The following MARF1 variants were observed in gnomAD, a reference collection of about 807,000 sequenced individuals.
The protein encoded by MARF1 is meiosis regulator and mRNA stability factor 1, also known as limkain-b1.
In MARF1, 24 loss-of-function variants were observed where a neutral mutation model predicts 168.2. The ratio of observed to expected loss-of-function variants is 0.14; its 90% CI spans 0.10 to 0.20. MARF1 has a LOEUF of 0.20. MARF1 is among the 10% of genes least tolerant of loss of function. The probability of loss-of-function intolerance (pLI) is 1.00; values close to 1 mark genes in which losing one functional copy is unlikely to be tolerated. For missense variants in MARF1, 1,744 were observed against 2,143.6 expected (o/e 0.81, Z 3.68); for synonymous variants, 868 against 822.4 (o/e 1.06, Z -0.95).
Position 15,630,428 on chromosome 16 carries a change from G to C in MARF1, c.1428C>G (p.Asn476Lys). 11 of 1,614,028 alleles carry C rather than the reference G, an allele frequency of 6.8e-6. No homozygotes were observed. The highest frequency in any genetic ancestry group is 9.3e-6 in the Non-Finnish European group (11 of 1,179,952). Residue 476 changes from asparagine (N) to lysine (K), a missense_variant, in exon 7 of 27, where the codon AAC becomes AAG. This residue lies in a region of MARF1 where 217 missense variants were observed against 372.4 expected (regional missense o/e 0.58). Coordinates refer to ENST00000396368, the MANE Select transcript of MARF1 (RefSeq NM_014647.4). ...HGFHIILVHK[N>K]QASEALLHHA... ...GATGCAGCAGTGCTTCTGAGGCCTG[G>C]TTTTTATGGACCAAAATAATGTGGA... is the stretch of plus-strand genomic sequence containing the variant.
rs1008476195 is a variant in MARF1, at chr16:15,608,164, G to C, written c.4182+127C>G. ...GACACAAAACGAGTCATAATGCTGT[G>C]ACAGTTAAGTAGTTCAAGGTGTAAA... is the stretch of plus-strand genomic sequence containing the variant. On this transcript the variant is annotated intron_variant, in intron 21 of 26. Coordinates refer to ENST00000396368, the MANE Select transcript of MARF1 (RefSeq NM_014647.4). 16 of 634,276 alleles carry C rather than the reference G, an allele frequency of 2.5e-5. No individual in the cohort carries two copies. In the East Asian group the frequency reaches 4.1e-4, roughly 16 times the overall value. The allele number at this position is 634,276 out of a possible 1,614,324, so 39.3% of individuals were successfully genotyped here.
chr16:15,598,283 C>T (rs1381563986), intron 26 of MARF1, among the ~76,000 whole-genome samples: 1 of 152,172 alleles, frequency 6.6e-6, no homozygotes, highest in African/African-American at 2.4e-5. Context: ...CTTTATTCCA[C>T]GGCTCTCACC....
chr16:15,622,026 A>T, intron 11 of MARF1, 115 bp from the exon 12 acceptor site: 1 of 897,008 alleles, frequency 1.1e-6, no homozygotes, highest in Non-Finnish European at 1.7e-6. Flanking sequence ...TCCATGAAGG[A>T]GTATGTCTGA....
intron 26 of MARF1, among the ~76,000 whole-genome samples, chr16:15,598,185 TGCTA>T (rs1258246775): frequency 1.3e-5 from 2 of 152,162 alleles, no homozygotes; most frequent in Admixed American, 1.3e-4. Context: ...GCTCTGCCCT[TGCTA>T]GCCCAGCAGC....
At chr16:15,620,722 A>C (rs1254019591) in intron 12 of MARF1, among the ~76,000 whole-genome samples, 191 bp from the exon 13 acceptor site, 1 of 152,224 alleles carries the variant, frequency 6.6e-6, no homozygotes, top group African/African-American at 2.4e-5. Flanking sequence ...AGATTACGTT[A>C]CACAGTAGAA....
intron 18 of MARF1, among the ~76,000 whole-genome samples, chr16:15,611,324 T>C (rs896495767): frequency 1.3e-5 from 2 of 150,728 alleles, no homozygotes; most frequent in African/African-American, 4.9e-5. Context: ...CCGGGTGTGG[T>C]GGCGGGCGCC....
At chr16:15,604,108 C>T in intron 22 of MARF1, 60 bp downstream of exon 22, 1 of 1,301,802 alleles carries the variant, frequency 7.7e-7, no homozygotes, top group Non-Finnish European at 1.1e-6. Context: ...ATCAGGTAAT[C>T]CGGAAATGCC....
At chr16:15,611,169 A>G in intron 18 of MARF1, 61 bp from the exon 19 acceptor site, 1 of 1,560,918 alleles carries the variant, frequency 6.4e-7, no homozygotes. Flanking sequence ...AAGAACTACA[A>G]GTTTTCCGGC....
At chr16:15,631,095 A>G (rs1011148749) in intron 6 of MARF1, among the ~76,000 whole-genome samples, 2 of 152,166 alleles carry the variant, frequency 1.3e-5, no homozygotes, top group Non-Finnish European at 2.9e-5. Context: ...GCGCCATCGC[A>G]CTCCAGCCTG....
intron 2 of MARF1, among the ~76,000 whole-genome samples, chr16:15,637,767 A>C (rs1191320511): frequency 6.6e-6 from 1 of 152,238 alleles, no homozygotes; most frequent in African/African-American, 2.4e-5. Flanking sequence ...ACTGTCTCTA[A>C]AATAAAACAC....
At position 15,625,089 on chromosome 16, in the gene MARF1, C is replaced by G; in HGVS notation, c.2038G>C (p.Gly680Arg). ...GHLRLVVPTH[G>R]NSSAAVSTPK... Reference sequence around the variant, plus strand: ...GTCGACACTGCAGCACTTGAGTTACCGTGAGTGGGTACGACCAGCCTCAGG... The same window carrying G: ...GTCGACACTGCAGCACTTGAGTTACGGTGAGTGGGTACGACCAGCCTCAGG... The change falls in exon 9 of 27, where the codon GGT becomes CGT. Residue 680 changes from glycine to arginine, a missense_variant. Transcript: ENST00000396368. 1 of 1,614,170 alleles carries G rather than the reference C, an allele frequency of 6.2e-7. No homozygotes were observed. The highest frequency in any genetic ancestry group is 2.2e-5 in the East Asian group (1 of 44,880).
chr16:15,627,981 T>C (rs1029982015), intron 7 of MARF1, among the ~76,000 whole-genome samples: 16 of 152,130 alleles, frequency 1.1e-4, no homozygotes, highest in Admixed American at 1.3e-4. Context: ...AATTACCCTA[T>C]GGTATGTCAG....
At chr16:15,621,972 C>T in intron 11 of MARF1, 61 bp from the exon 12 acceptor site, 4 of 1,504,862 alleles carry the variant, frequency 2.7e-6, no homozygotes, top group Non-Finnish European at 3.6e-6. Flanking sequence ...CGTCTTAAAA[C>T]TGAAGGTGAA....
At chr16:15,600,966 C>A in intron 23 of MARF1, 1 of 682,890 alleles carries the variant, frequency 1.5e-6, no homozygotes, top group Non-Finnish European at 2.7e-6. Flanking sequence ...AAAAGACTGT[C>A]TTCCAAACAC....
intron 13 of MARF1, among the ~76,000 whole-genome samples, chr16:15,618,622 T>G (rs2034236187): frequency 6.6e-6 from 1 of 152,200 alleles, no homozygotes; most frequent in Non-Finnish European, 1.5e-5. Context: ...CCCACATCCC[T>G]GGCCCTGGTG....
At chr16:15,639,415 T>C (rs1182547181) in intron 1 of MARF1, 124 bp from the exon 2 acceptor site, 2 of 675,844 alleles carry the variant, frequency 3.0e-6, no homozygotes, top group Non-Finnish European at 4.8e-6. Flanking sequence ...CAAATCTTTG[T>C]TTCAAGAGGA....
chr16:15,621,875 G>C lies in MARF1; in HGVS notation c.2497C>G (p.Gln833Glu), dbSNP rs987321399. Reference protein sequence around the residue: ...SVELSPHTDYQLKAVVQMENL... With the variant: ...SVELSPHTDYELKAVVQMENL... ...TCCATTTGCACAACAGCCTTGAGTTGATAATCTGTATGGGGGCTGAGCTCA... is the reference window on the plus strand; with the variant it reads ...TCCATTTGCACAACAGCCTTGAGTTCATAATCTGTATGGGGGCTGAGCTCA... The change falls in exon 12 of 27, where the codon CAA becomes GAA. Residue 833 changes from glutamine to glutamate, a missense_variant. Physicochemically the swap from Gln to Glu is conservative, Grantham distance 29 (BLOSUM62 2). Transcript: ENST00000396368. 6.2e-7 allele frequency: 1 copy of C among 1,613,988 alleles called. No individual in the cohort carries two copies. The highest frequency in any genetic ancestry group is 8.5e-7 in the Non-Finnish European group (1 of 1,180,010).
At chr16:15,633,432 G>C (rs900126314) in intron 5 of MARF1, among the ~76,000 whole-genome samples, 185 bp downstream of exon 5, 3 of 152,094 alleles carry the variant, frequency 2.0e-5, no homozygotes, top group African/African-American at 7.2e-5. Context: ...TGTGATCCTG[G>C]CTAGTTGGGA....
intron 10 of MARF1, 27 bp downstream of exon 10, chr16:15,624,742 C>T (rs780941561): frequency 1.7e-5 from 27 of 1,604,526 alleles, no homozygotes; most frequent in Non-Finnish European, 1.0e-5. Flanking sequence ...ATGTAACCAC[C>T]CCCATGGGTC....
Sources: gnomAD v4.1 joint callset for allele counts (sites outside exome capture counted in the v4.1 genomes callset) on GRCh38, gnomAD v4.1.1 for gene constraint, gnomAD v4.1.1 regional missense constraint, MANE v1.5 for transcripts, NCBI Gene and HGNC (gene_info 2026-07-23, HGNC 2026-07-21) for gene names.